PANK4: variants seen among roughly 807,000 people sequenced by gnomAD.
PANK4 encodes the protein pantothenate kinase 4 (inactive).
In PANK4, 40 loss-of-function variants were observed where a neutral mutation model predicts 87.9. The observed-to-expected ratio is 0.46, with a 90% CI of 0.35 to 0.59. PANK4 has a LOEUF of 0.59. PANK4 is among the 20% of genes least tolerant of loss of function. The pLI, the probability that PANK4 is intolerant of heterozygous loss-of-function variation, is 0.00. For synonymous variants in PANK4, 524 were observed against 467.4 expected (o/e 1.12, Z -1.56); for missense variants, 926 against 1,072.3 (o/e 0.86, Z 1.90).
rs1643865145 is a variant in PANK4 at position 2,520,436 on chromosome 1, T to G, written c.607-22A>C. 6.2e-7 allele frequency: 1 copy of G among 1,603,660 alleles called. No homozygotes were observed. Among genetic ancestry groups the G allele is most frequent in the African/African-American group, 1.3e-5 (1 of 74,752 alleles). On this transcript the variant is annotated intron_variant, in intron 4 of 18. Transcript: ENST00000378466. This position sits in a 1 kb window ranked among gnomAD's most constrained non-coding sequence, Gnocchi z 6.2. ...CCACCTGCAACAGAGCCAGGGCAGG[T>G]GTGCCCTCAGTGGGCCCTCAGCCAC...
rs778708158 is a variant in PANK4 at position 2,518,592 on chromosome 1, T to A, written c.1041A>T (p.Glu347Asp). Residue 347 changes from glutamate (E) to aspartate (D), a missense_variant, in exon 8 of 19, where the codon GAA (glutamate) becomes GAT (aspartate). Coordinates refer to ENST00000378466, the MANE Select transcript of PANK4 (RefSeq NM_018216.4). ...CGTGCCTCAGAAACAGCGCCTGCAC[T>A]TCCCCCTGCCGTGGCCAAAGCACAC... ...TYSINFFSKGEVQALFLRHEG... is the reference protein window; with the variant it reads ...TYSINFFSKGDVQALFLRHEG... The A allele has an allele frequency of 6.4e-7, 1 of 1,566,652 alleles. No individual in the cohort carries two copies. The highest frequency in any genetic ancestry group is 1.4e-5 in the African/African-American group (1 of 73,912).
At chr1:2,522,266 G>T (rs1643881423) in intron 1 of PANK4, among the ~76,000 whole-genome samples, 1 of 152,228 alleles carries the variant, frequency 6.6e-6, no homozygotes, top group Non-Finnish European at 1.5e-5. Flanking sequence ...GCCCAGGGCG[G>T]TAACGGGGCC....
intron 2 of PANK4, 125 bp downstream of exon 2, chr1:2,521,593 T>C: frequency 1.2e-6 from 1 of 855,246 alleles, no homozygotes; most frequent in Non-Finnish European, 2.0e-6. Flanking sequence ...CTGTCCCTGC[T>C]AGAAACTCCC....
At chr1:2,522,884 GT>G (rs1212812659) in intron 1 of PANK4, among the ~76,000 whole-genome samples, 4 of 31,806 alleles carry the variant, frequency 1.3e-4, no homozygotes, top group Admixed American at 4.0e-4. Context: ...AGAGCACTGT[GT>G]GTGCTATAGT....
Position 2,521,220 on chromosome 1 carries a change from G to A in PANK4, c.303C>T (p.Ile101=), listed in dbSNP as rs200015822. 50 of 1,613,614 alleles carry A rather than the reference G, an allele frequency of 3.1e-5. No individual in the cohort carries two copies. In the Middle Eastern group the frequency reaches 6.6e-4, roughly 21 times the overall value. ...CTTTGATGAAGTCCAGGCAGGCTTC[G>A]ATGTAGGTATTCTCAAACTTAATGA... The part of the protein sequence containing the change: ...LHFIKFENTY[I]EACLDFIKDH... Residue 101 remains isoleucine (I), a synonymous_variant, in exon 3 of 19, where the codon ATC becomes ATT. Transcript: ENST00000378466.
At chr1:2,516,487 G>T (rs962430536) in intron 9 of PANK4, among the ~76,000 whole-genome samples, 1 of 152,204 alleles carries the variant, frequency 6.6e-6, no homozygotes. Context: ...CGCAGCAGCC[G>T]CTGCTCTGGG....
chr1:2,512,681 C>G (rs1643681771), intron 13 of PANK4: 1 of 580,918 alleles, frequency 1.7e-6, no homozygotes. Flanking sequence ...CTCCTCAGAA[C>G]CTGAGGGGAC....
Position 2,520,160 on chromosome 1 carries a change from C to T in PANK4, c.699+162G>A, listed in dbSNP as rs1643862924. On this transcript the variant is annotated intron_variant, in intron 5 of 18. Transcript: ENST00000378466. This position sits in a 1 kb window ranked among gnomAD's most constrained non-coding sequence, Gnocchi z 6.2. ...CTCTGGGTTGCTGGGACACCCAACC[C>T]TCAGGGCGCAAAGAGTGAAGCCGCA... 2.0e-5 allele frequency among the ~76,000 whole-genome samples: 3 copies of T among 152,188 alleles called. No homozygotes were observed. The South Asian group carries it at 6.2e-4, about 32-fold the overall frequency.
At chr1:2,516,102 G>C (rs1643769371) in intron 9 of PANK4, among the ~76,000 whole-genome samples, 1 of 151,864 alleles carries the variant, frequency 6.6e-6, no homozygotes, top group Admixed American at 6.6e-5. Context: ...CACCCCTACA[G>C]TTTCACCTCC....
In PANK4 at chr1:2,521,333, G is replaced by A; in HGVS notation, c.208-18C>T. ...TCTGTGTCCTGGAAAACAGAGTAGGGGAGGCCGCATGTGTGTGGGACACCG... is the reference window on the plus strand; with the variant it reads ...TCTGTGTCCTGGAAAACAGAGTAGGAGAGGCCGCATGTGTGTGGGACACCG... On this transcript the variant is annotated intron_variant, in intron 2 of 18. Coordinates refer to ENST00000378466, the MANE Select transcript of PANK4 (RefSeq NM_018216.4). 6.3e-7 allele frequency: 1 copy of A among 1,598,336 alleles called. No homozygotes were observed. Among genetic ancestry groups the A allele is most frequent in the East Asian group, 2.2e-5 (1 of 44,788 alleles).
chr1:2,511,452 C>CT, intron 14 of PANK4, 65 bp from the exon 15 acceptor site: 1 of 1,287,550 alleles, frequency 7.8e-7, no homozygotes, highest in Non-Finnish European at 1.1e-6. Context: ...GGAGACGCGT[C>CT]TTCAGGTGTT....
intron 12 of PANK4, 38 bp from the exon 13 acceptor site, chr1:2,513,077 GT>G: frequency 6.4e-7 from 1 of 1,555,752 alleles, no homozygotes; most frequent in Non-Finnish European, 8.7e-7. Flanking sequence ...GAGTGAAGAC[GT>G]GGCCTCAGCC....
rs1421000114 is a variant in PANK4, at chr1:2,520,632, C to T, written c.606+91G>A. 1 of 1,291,882 alleles carries T rather than the reference C, an allele frequency of 7.7e-7. No homozygotes were observed. The highest frequency in any genetic ancestry group is 1.1e-6 in the Non-Finnish European group (1 of 912,690). 80.0% of individuals were successfully genotyped at this position (1,291,882 alleles called of 1,614,324 possible). On this transcript the variant is annotated intron_variant, in intron 4 of 18. Coordinates refer to ENST00000378466, the MANE Select transcript of PANK4 (RefSeq NM_018216.4). This position sits in a 1 kb window ranked among gnomAD's most constrained non-coding sequence, Gnocchi z 6.2. ...CCCCTCCCGCCCACTGGGCCCCATCCATGTGCCCAGCCCTGGCTCCTGCAC... is the reference window on the plus strand; with the variant it reads ...CCCCTCCCGCCCACTGGGCCCCATCTATGTGCCCAGCCCTGGCTCCTGCAC...
intron 12 of PANK4, 55 bp downstream of exon 12, chr1:2,513,947 G>A: frequency 7.7e-7 from 1 of 1,290,572 alleles, no homozygotes; most frequent in Non-Finnish European, 1.1e-6. Flanking sequence ...AGGACACGCG[G>A]TGCCAGCGGG....
chr1:2,522,045 G>T, intron 1 of PANK4: 1 of 548,194 alleles, frequency 1.8e-6, no homozygotes, highest in Non-Finnish European at 3.3e-6. Flanking sequence ...GAGCTCAAGA[G>T]GTCCCGCTTC....
In PANK4 at chr1:2,521,203, AAGTCC is replaced by A; in HGVS notation, c.315_319del (p.Asp106HisfsTer46). ...TGTGTTGACGAGATGGTCTTTGATG[AAGTCC>A]AGGCAGGCTTCGATGTAGGTATTCT... On this transcript the variant is annotated frameshift_variant, in exon 3 of 19. Coordinates refer to ENST00000378466, the MANE Select transcript of PANK4 (RefSeq NM_018216.4). LOFTEE classifies it high-confidence loss of function. The A allele has an allele frequency of 6.2e-7, 1 of 1,613,944 alleles. No homozygotes were observed. The highest frequency in any genetic ancestry group is 1.7e-5 in the Admixed American group (1 of 60,032).
In PANK4 at chr1:2,515,208, C is replaced by T. The variant is rs1643746173; in HGVS notation, c.1374+354G>A. ...GGAGCTTGCTGGGGCTGAGTCTCAC[C>T]CCACCCCCAGAGTCAGGGTCCCACA... On this transcript the variant is annotated intron_variant, in intron 10 of 18. Transcript: ENST00000378466. This position sits in a 1 kb window ranked among gnomAD's most constrained non-coding sequence, Gnocchi z 5.0. 2.2e-6 allele frequency: 1 copy of T among 451,884 alleles called. No homozygotes were observed. Among genetic ancestry groups the T allele is most frequent in the Non-Finnish European group, 4.4e-6 (1 of 227,800 alleles). The allele number at this position is 451,884 out of a possible 1,614,324, so 28.0% of individuals were successfully genotyped here. A position where few individuals can be genotyped will look rare whatever the true frequency, so the allele number is the denominator to read the frequency against.
intron 1 of PANK4, chr1:2,526,093 C>G (rs1643920252): frequency 6.6e-6 from 1 of 152,450 alleles, no homozygotes; most frequent in Admixed American, 6.5e-5. Context: ...CCGGGGCGCC[C>G]AGATGCCGAT....
At chr1:2,522,033 C>G (rs918759950) in intron 1 of PANK4, 1 of 566,866 alleles carries the variant, frequency 1.8e-6, no homozygotes, top group Non-Finnish European at 3.2e-6. Flanking sequence ...CCTGGCCAAA[C>G]TGAGCTCAAG....
Sources: gnomAD v4.1 joint callset for allele counts (sites outside exome capture counted in the v4.1 genomes callset) on GRCh38, gnomAD v4.1.1 for gene constraint, Gnocchi (gnomAD v3.1) non-coding constraint, MANE v1.5 for transcripts, NCBI Gene and HGNC (gene_info 2026-07-23, HGNC 2026-07-21) for gene names.